Variants in SYNM observed in about 807,000 individuals in gnomAD.
SYNM encodes the protein desmuslin.
In SYNM, 95 loss-of-function variants were observed where a neutral mutation model predicts 104.0. The ratio of observed to expected loss-of-function variants is 0.91; its 90% CI spans 0.77 to 1.08. The LOEUF (loss-of-function observed/expected upper bound fraction) is 1.08, where lower values mean the gene tolerates loss of function less well. SYNM is among the 50% of genes least tolerant of loss of function. SYNM has a pLI of 0.00. For synonymous variants in SYNM, 918 were observed against 869.0 expected, an observed-to-expected ratio of 1.06 and a Z score of -0.99; for missense variants, 2,150 against 2,052.2, an observed-to-expected ratio of 1.05 and a Z score of -0.92.
Position 99,113,635 on chromosome 15 carries a change from G to T in SYNM, c.855G>T (p.Leu285Phe). The change falls in exon 2 of 4, where the codon TTG (leucine) becomes TTT (phenylalanine). Residue 285 changes from leucine to phenylalanine, a missense_variant. Coordinates refer to ENST00000336292, the MANE Select transcript of SYNM (RefSeq NM_145728.3). ...AGGATGAGAAGGCAACCCTCACCTT[G>T]GCCATGGCTGACTGGCTGCGGGACT... ...CLEDEKATLT[L>F]AMADWLRDYQ... 2 of 1,613,660 alleles carry T rather than the reference G, an allele frequency of 1.2e-6. No individual in the cohort carries two copies. Among genetic ancestry groups the T allele is most frequent in the Non-Finnish European group, 1.7e-6 (2 of 1,179,708 alleles).
Position 99,130,631 on chromosome 15 carries a change from C to G in SYNM, c.2271C>G (p.Ser757Arg). Reference sequence around the variant, plus strand: ...TGGAGGAGCCCGTGAGTTATGTCAGCGGGGAGAAGCCGGAGGAGTTTTCCG... The same window carrying G: ...TGGAGGAGCCCGTGAGTTATGTCAGGGGGGAGAAGCCGGAGGAGTTTTCCG... ...EIVEEPVSYV[S>R]GEKPEEFSVP... is the part of the protein sequence containing the mutation. Residue 757 changes from serine (S) to arginine (R), a missense_variant, in exon 4 of 4, where the codon AGC becomes AGG. Coordinates refer to ENST00000336292, the MANE Select transcript of SYNM (RefSeq NM_145728.3). 6.2e-7 allele frequency: 1 copy of G among 1,613,318 alleles called. No individual in the cohort carries two copies.
In SYNM at chr15:99,132,386, T is replaced by G; in HGVS notation, c.4026T>G (p.Thr1342=). The change falls in exon 4 of 4, where the codon ACT becomes ACG. Residue 1342 remains threonine (T), a synonymous_variant. Coordinates refer to ENST00000336292, the MANE Select transcript of SYNM (RefSeq NM_145728.3). ...QLGESGDSES[T]VHGEGSADVH... ...GGGAATCTGGTGACTCAGAGAGCAC[T>G]GTGCACGGAGAGGGCTCAGCAGATG... is the stretch of plus-strand genomic sequence containing the variant. 1 of 1,613,946 alleles carries G rather than the reference T, an allele frequency of 6.2e-7. No homozygotes were observed. The highest frequency in any genetic ancestry group is 8.5e-7 in the Non-Finnish European group (1 of 1,179,858).
In SYNM at chr15:99,130,796, G is replaced by T; in HGVS notation, c.2436G>T (p.Thr812=). 6.2e-7 allele frequency: 1 copy of T among 1,613,954 alleles called. No homozygotes were observed. Among genetic ancestry groups the T allele is most frequent in the South Asian group, 1.1e-5 (1 of 91,062 alleles). Residue 812 remains threonine, a synonymous_variant, in exon 4 of 4, where the codon ACG becomes ACT. Transcript: ENST00000336292. Reference sequence around the variant, plus strand: ...GGACCAAGCAGCCTCAGGAGAACACGACTCACGTGGAAGAAGTGACAGAGG... The same window carrying T: ...GGACCAAGCAGCCTCAGGAGAACACTACTCACGTGGAAGAAGTGACAGAGG... ...HRRTKQPQEN[T]THVEEVTEAG...
Position 99,130,952 on chromosome 15 carries a change from T to C in SYNM, c.2592T>C (p.Ser864=). Residue 864 remains serine (S), a synonymous_variant, in exon 4 of 4, where the codon TCT becomes TCC. Transcript: ENST00000336292. ...AGGAGGAATCCACCATCAGGTACTC[T>C]TGGCAGGATGAAATCGTGCAGGGGA... ...HIEEESTIRY[S]WQDEIVQGTR... 6.2e-7 allele frequency: 1 copy of C among 1,613,624 alleles called. No individual in the cohort carries two copies. The highest frequency in any genetic ancestry group is 8.5e-7 in the Non-Finnish European group (1 of 1,179,748).
chr15:99,105,915 G>T lies in SYNM; in HGVS notation c.716G>T (p.Arg239Leu), dbSNP rs781864601. Residue 239 changes from arginine (R) to leucine (L), a missense_variant, in exon 1 of 4, where the codon CGC (arginine) becomes CTC (leucine). Arg to Leu is a moderately radical substitution (Grantham distance 102, BLOSUM62 -2). Coordinates refer to ENST00000336292, the MANE Select transcript of SYNM (RefSeq NM_145728.3). The part of the protein sequence containing the change: ...LCAQEAEALR[R>L]EALGLEQLRA... ...GCGCAGGAGGCAGAGGCGCTGCGGC[G>T]CGAGGCGCTCGGGTTGGAGCAGCTG... 6.5e-7 allele frequency: 1 copy of T among 1,532,206 alleles called. No homozygotes were observed. The highest frequency in any genetic ancestry group is 8.7e-7 in the Non-Finnish European group (1 of 1,144,292). 94.9% of individuals were successfully genotyped at this position (1,532,206 alleles called of 1,614,324 possible). A position where few individuals can be genotyped will look rare whatever the true frequency, so the allele number is the denominator to read the frequency against.
chr15:99,118,165 G>T (rs1248280268), intron 2 of SYNM, among the ~76,000 whole-genome samples: 1 of 152,226 alleles, frequency 6.6e-6, no homozygotes, highest in Non-Finnish European at 1.5e-5. Flanking sequence ...AAGACATACA[G>T]ATGGTTGAAT....
At chr15:99,123,072 G>A (rs1328448123) in intron 2 of SYNM, among the ~76,000 whole-genome samples, 1 of 152,162 alleles carries the variant, frequency 6.6e-6, no homozygotes, top group Non-Finnish European at 1.5e-5. Context: ...TGACAGCCAT[G>A]GTTCTGAGAA....
chr15:99,110,750 T>C (rs995338539), intron 1 of SYNM, among the ~76,000 whole-genome samples: 1 of 152,224 alleles, frequency 6.6e-6, no homozygotes, highest in African/African-American at 2.4e-5. Context: ...TCGGTTGTGA[T>C]GCTGCCCAAA....
intron 1 of SYNM, among the ~76,000 whole-genome samples, chr15:99,108,942 G>C (rs535783540): frequency 3.3e-5 from 5 of 152,330 alleles, no homozygotes; most frequent in African/African-American, 9.6e-5. Context: ...CCAGCTGGCT[G>C]AATAGTTTTG....
intron 2 of SYNM, among the ~76,000 whole-genome samples, chr15:99,119,972 G>A (rs1670234): frequency 0.76 from 116,242 of 152,144 alleles, 44,691 homozygotes; most frequent in African/African-American, 0.85. Flanking sequence ...ATGAATGGGT[G>A]ACAGGGAGTG....
downstream of SYNM, chr15:99,137,850 C>T (rs1374963063): frequency 8.6e-6 from 10 of 1,169,350 alleles, no homozygotes; most frequent in East Asian, 2.5e-5. Flanking sequence ...ATGTGGCCCA[C>T]GGGAGGCTTA....
At position 99,129,661 on chromosome 15, in the gene SYNM, T is replaced by G; in HGVS notation, c.1301T>G (p.Leu434Arg). ...NVRTFSPTYG[L>R]LRNTEAQVKT... ...AGAACTTTCTCTCCAACCTATGGCC[T>G]TTTAAGAAATACTGAGGCTCAAGTG... Residue 434 changes from leucine to arginine, a missense_variant, in exon 4 of 4, where the codon CTT becomes CGT. Leu to Arg is a moderately radical substitution (Grantham distance 102). Transcript: ENST00000336292. The G allele has an allele frequency of 6.2e-7, 1 of 1,613,964 alleles. No homozygotes were observed. Among genetic ancestry groups the G allele is most frequent in the East Asian group, 2.2e-5 (1 of 44,884 alleles).
intron 1 of SYNM, among the ~76,000 whole-genome samples, chr15:99,110,431 A>G (rs1376546248): frequency 6.6e-6 from 1 of 152,204 alleles, no homozygotes; most frequent in African/African-American, 2.4e-5. Context: ...TGCTTCTTAC[A>G]CACCCACCTG....
At chr15:99,124,971 C>T (rs1188084509) in intron 2 of SYNM, among the ~76,000 whole-genome samples, 1 of 152,218 alleles carries the variant, frequency 6.6e-6, no homozygotes, top group Non-Finnish European at 1.5e-5. Flanking sequence ...GTGCCTGTTT[C>T]GTGTGGGTCC....
Position 99,131,950 on chromosome 15 carries a change from C to T in SYNM, c.3590C>T (p.Pro1197Leu). The T allele has an allele frequency of 6.2e-7, 1 of 1,613,838 alleles. No individual in the cohort carries two copies. ...TTCCTAGGCCCTGCCCCTGCCTGTCCAGAGGCATGGGGCTCGCCAGAACCT... is the reference window on the plus strand; with the variant it reads ...TTCCTAGGCCCTGCCCCTGCCTGTCTAGAGGCATGGGGCTCGCCAGAACCT... ...VIFLGPAPAC[P>L]EAWGSPEPGP... Residue 1197 changes from proline to leucine, a missense_variant, in exon 4 of 4, where the codon CCA becomes CTA. Coordinates refer to ENST00000336292, the MANE Select transcript of SYNM (RefSeq NM_145728.3). This position sits in a 1 kb window ranked among gnomAD's most constrained non-coding sequence, Gnocchi z 4.3.
intron 3 of SYNM, 43 bp from the exon 4 acceptor site, chr15:99,129,324 T>C: frequency 6.3e-7 from 1 of 1,596,220 alleles, no homozygotes; most frequent in Non-Finnish European, 8.5e-7. Context: ...AAAAGGGTAA[T>C]GATGACTGTC....
At position 99,105,864 on chromosome 15, in the gene SYNM, A is replaced by T. The variant is rs1555482633; in HGVS notation, c.665A>T (p.Gln222Leu). 4.5e-6 allele frequency: 7 copies of T among 1,541,782 alleles called. No individual in the cohort carries two copies. In the South Asian group the frequency reaches 7.2e-5, roughly 16 times the overall value. Residue 222 changes from glutamine (Q) to leucine (L), a missense_variant, in exon 1 of 4, where the codon CAG (glutamine) becomes CTG (leucine). Gln to Leu is a moderately radical substitution (Grantham distance 113). Coordinates refer to ENST00000336292, the MANE Select transcript of SYNM (RefSeq NM_145728.3). ...ALRRGQESRLQAEEETRLCAQ... is the reference protein window; with the variant it reads ...ALRRGQESRLLAEEETRLCAQ... ...CGGCGCGGCCAGGAGAGCAGACTCC[A>T]GGCGGAGGAAGAGACGCGGCTGTGC... is the stretch of plus-strand genomic sequence containing the variant.
chr15:99,128,384 G>A (rs1338882026), intron 3 of SYNM, among the ~76,000 whole-genome samples: 1 of 152,200 alleles, frequency 6.6e-6, no homozygotes, highest in Non-Finnish European at 1.5e-5. Flanking sequence ...TATTGCCTGG[G>A]GGTTCATCTT....
chr15:99,128,678 A>G (rs558729971), intron 3 of SYNM, among the ~76,000 whole-genome samples: 232 of 152,356 alleles, frequency 1.5e-3, no homozygotes, highest in African/African-American at 5.3e-3. Context: ...GGACACCCCA[A>G]AGGGTAGCAC....
Sources: gnomAD v4.1 joint callset for allele counts (sites outside exome capture counted in the v4.1 genomes callset) on GRCh38, gnomAD v4.1.1 for gene constraint, Gnocchi (gnomAD v3.1) non-coding constraint, MANE v1.5 for transcripts, NCBI Gene and HGNC (gene_info 2026-07-23, HGNC 2026-07-21) for gene names.